The following HERC1 variants were observed in gnomAD, a reference collection of about 807,000 sequenced individuals.
HERC1 encodes the protein HECT and RLD domain containing E3 ubiquitin protein ligase family member 1.
HERC1 carries 160 observed loss-of-function variants against 554.3 expected under a neutral mutation model. That is an observed-to-expected ratio of 0.29 (90% CI 0.25 to 0.33). The LOEUF (loss-of-function observed/expected upper bound fraction) is 0.33, where lower values mean the gene tolerates loss of function less well. HERC1 is among the 10% of genes least tolerant of loss of function. The pLI is 1.00. For synonymous variants in HERC1, 2,175 were observed against 2,131.7 expected (o/e 1.02, Z -0.56); for missense variants, 4,919 against 5,918.5 (o/e 0.83, Z 5.54).
chr15:63,631,012 C>T (rs2068526041), intron 68 of HERC1, among the ~76,000 whole-genome samples: 1 of 152,178 alleles, frequency 6.6e-6, no homozygotes. Context: ...CTCGCTCTGT[C>T]GCCCAGACTG....
chr15:63,714,840 C>T lies in HERC1; in HGVS notation c.4151-1175G>A, dbSNP rs1368504895. 3.3e-5 allele frequency among the ~76,000 whole-genome samples: 5 copies of T among 152,046 alleles called. No homozygotes were observed. In the East Asian group the frequency reaches 9.6e-4, roughly 29 times the overall value. ...GGGATTACAGCCGTGAGCCACCGCA[C>T]CTGGCCCAAAGACGGTATTCTTAAT... is the stretch of plus-strand genomic sequence containing the variant. On this transcript the variant is annotated intron_variant, in intron 22 of 77. Coordinates refer to ENST00000443617, the MANE Select transcript of HERC1 (RefSeq NM_003922.4).
rs1195642992 is a variant in HERC1, at chr15:63,680,451, T to C, written c.6465+86A>G. The C allele has an allele frequency of 2.9e-6, 4 of 1,381,270 alleles. No homozygotes were observed. The highest frequency in any genetic ancestry group is 3.0e-6 in the Non-Finnish European group (3 of 1,016,470). The allele number at this position is 1,381,270 out of a possible 1,614,324, so 85.6% of individuals were successfully genotyped here. A position where few individuals can be genotyped will look rare whatever the true frequency, so the allele number is the denominator to read the frequency against. Reference sequence around the variant, plus strand: ...AAAGGAGAGACGAGCAGATAATCTATAAACTGAATACGTGGCACTTGAATA... The same window carrying C: ...AAAGGAGAGACGAGCAGATAATCTACAAACTGAATACGTGGCACTTGAATA... On this transcript the variant is annotated intron_variant, in intron 35 of 77. Coordinates refer to ENST00000443617, the MANE Select transcript of HERC1 (RefSeq NM_003922.4). This position sits in a 1 kb window ranked among gnomAD's most constrained non-coding sequence, Gnocchi z 5.8.
intron 13 of HERC1, 62 bp from the exon 14 acceptor site, chr15:63,733,207 AGGATCCC>A: frequency 1.8e-6 from 2 of 1,091,968 alleles, no homozygotes; most frequent in South Asian, 2.6e-5. Context: ...AGAACACAAA[AGGATCCC>A]AGAAAAAAAC....
chr15:63,721,654 T>C (rs959263276), intron 19 of HERC1, among the ~76,000 whole-genome samples: 1 of 152,194 alleles, frequency 6.6e-6, no homozygotes, highest in Non-Finnish European at 1.5e-5. Flanking sequence ...AGTAAAAATG[T>C]ATTTATTTTT....
chr15:63,775,052 T>C lies in HERC1; in HGVS notation c.572A>G (p.Asp191Gly). Residue 191 changes from aspartate (D) to glycine (G), a missense_variant, in exon 2 of 78, where the codon GAT (aspartate) becomes GGT (glycine). Physicochemically the swap from Asp to Gly is moderately conservative, Grantham distance 94. Transcript: ENST00000443617. This position sits in a 1 kb window ranked among gnomAD's most constrained non-coding sequence, Gnocchi z 4.0. Reference sequence around the variant, plus strand: ...AACTTCAATTGCAGTATGAATGACATCGTTGCAAAGACTGAGACCAGGTCC... The same window carrying C: ...AACTTCAATTGCAGTATGAATGACACCGTTGCAAAGACTGAGACCAGGTCC... ...VSGPGLSLCN[D>G]VIHTAIEVVS... 3 of 1,614,032 alleles carry C rather than the reference T, an allele frequency of 1.9e-6. No individual in the cohort carries two copies.
intron 44 of HERC1, among the ~76,000 whole-genome samples, chr15:63,662,231 A>C (rs954706779): frequency 6.6e-6 from 1 of 152,264 alleles, no homozygotes; most frequent in South Asian, 2.1e-4. Context: ...CTAATAAGTT[A>C]TATCAATAAT....
intron 1 of HERC1, among the ~76,000 whole-genome samples, chr15:63,809,432 C>G (rs1002444867): frequency 1.4e-4 from 22 of 152,184 alleles, no homozygotes; most frequent in African/African-American, 4.6e-4. Flanking sequence ...CTAAAAGACT[C>G]AGAACCTCAA....
chr15:63,744,164 G>GTGTGTGTGTGTGTGTGTC lies in HERC1; in HGVS notation c.2520+2753_2520+2754insGACACACACACACACACA. Among the ~76,000 whole-genome samples, 307 of 46,088 alleles carry GTGTGTGTGTGTGTGTGTC rather than the reference G, an allele frequency of 6.7e-3. 2 individuals are homozygous for GTGTGTGTGTGTGTGTGTC. The highest frequency in any genetic ancestry group is 0.018 in the East Asian group (36 of 1,992). 30.2% of individuals were successfully genotyped at this position (46,088 alleles called of 152,430 possible). Reference sequence around the variant, plus strand: ...TGTGTGTGTGTGTGTGTGTGTGTGTGTCTCTCTCTCTCTCTCTCTCTCTCT... The same window carrying GTGTGTGTGTGTGTGTGTC: ...TGTGTGTGTGTGTGTGTGTGTGTGTGTGTGTGTGTGTGTGTGTCTCTCTCTCTCTCTCTCTCTCTCTCT... On this transcript the variant is annotated intron_variant, in intron 12 of 77. Coordinates refer to ENST00000443617, the MANE Select transcript of HERC1 (RefSeq NM_003922.4).
At chr15:63,737,418 T>A (rs139538463) in intron 12 of HERC1, among the ~76,000 whole-genome samples, 3 of 41,818 alleles carry the variant, frequency 7.2e-5, no homozygotes, top group Admixed American at 6.8e-4. Context: ...TATATATATC[T>A]TTTTTCCAGA....
intron 6 of HERC1, among the ~76,000 whole-genome samples, 169 bp from the exon 7 acceptor site, chr15:63,754,817 G>A (rs2075366640): frequency 6.6e-6 from 1 of 152,000 alleles, no homozygotes. Context: ...AATCTTCCAA[G>A]GTGCTCCTAA....
At chr15:63,783,420 T>G (rs981888647) in intron 1 of HERC1, among the ~76,000 whole-genome samples, 1 of 152,106 alleles carries the variant, frequency 6.6e-6, no homozygotes, top group Non-Finnish European at 1.5e-5. Flanking sequence ...AAAAAAAAAG[T>G]ATTTTTTAAT....
chr15:63,826,076 C>T (rs2077892118), intron 1 of HERC1, among the ~76,000 whole-genome samples: 1 of 152,046 alleles, frequency 6.6e-6, no homozygotes, highest in South Asian at 2.1e-4. Context: ...ATAATAATTT[C>T]TTAAAAAGAA....
rs767048252 is a variant in HERC1 at position 63,649,764 on chromosome 15, T to C, written c.10708A>G (p.Met3570Val). Reference protein sequence around the residue: ...GLIEVVDVSTMHRRELEHCYR... With the variant: ...GLIEVVDVSTVHRRELEHCYR... ...CAATGCTCCAATTCTCGACGGTGCA[T>C]GGTGGACACATCAACAACTTCAATC... Residue 3570 changes from methionine (M) to valine (V), a missense_variant, in exon 54 of 78, where the codon ATG becomes GTG. This residue lies in a region of HERC1 where 1,963 missense variants were observed against 2,228.6 expected (regional missense o/e 0.88). Transcript: ENST00000443617. The C allele has an allele frequency of 1.9e-6, 3 of 1,613,786 alleles. No individual in the cohort carries two copies. Among genetic ancestry groups the C allele is most frequent in the South Asian group, 1.1e-5 (1 of 90,996 alleles).
At chr15:63,759,421 T>C (rs188854274) in intron 3 of HERC1, among the ~76,000 whole-genome samples, 1 of 152,324 alleles carries the variant, frequency 6.6e-6, no homozygotes, top group East Asian at 1.9e-4. Flanking sequence ...GCCAAAAGCA[T>C]AGGACCCAGA....
chr15:63,674,243 T>C (rs919463563), intron 38 of HERC1, 99 bp downstream of exon 38: 4 of 1,072,918 alleles, frequency 3.7e-6, no homozygotes, highest in Admixed American at 3.5e-5. Flanking sequence ...AAAAATTTTT[T>C]TTTTTTTACA....
intron 1 of HERC1, among the ~76,000 whole-genome samples, chr15:63,789,427 A>T (rs1441818866): frequency 6.6e-6 from 1 of 152,096 alleles, no homozygotes; most frequent in Non-Finnish European, 1.5e-5. Context: ...TATATATCAC[A>T]AAACAAAACC....
chr15:63,798,121 C>G (rs1342995810), intron 1 of HERC1, among the ~76,000 whole-genome samples: 3 of 152,202 alleles, frequency 2.0e-5, no homozygotes, highest in African/African-American at 7.2e-5. Context: ...GACACTACCA[C>G]CTGCTACTTC....
chr15:63,809,001 T>TA (rs1042106308), intron 1 of HERC1, among the ~76,000 whole-genome samples: 7 of 151,976 alleles, frequency 4.6e-5, no homozygotes, highest in Non-Finnish European at 8.8e-5. Context: ...CTCCCTAAAA[T>TA]AAAAAATGAA....
At chr15:63,760,412 G>A (rs139401511) in intron 3 of HERC1, among the ~76,000 whole-genome samples, 3,270 of 123,708 alleles carry the variant, frequency 0.026, 101 homozygotes, top group Admixed American at 0.13. Flanking sequence ...CTGTACTCCA[G>A]CCCGGGCAGC....
Sources: gnomAD v4.1 joint callset for allele counts (sites outside exome capture counted in the v4.1 genomes callset) on GRCh38, gnomAD v4.1.1 for gene constraint, gnomAD v4.1.1 regional missense constraint, Gnocchi (gnomAD v3.1) non-coding constraint, MANE v1.5 for transcripts, NCBI Gene and HGNC (gene_info 2026-07-23, HGNC 2026-07-21) for gene names.